PDE3A: variants seen among roughly 807,000 people sequenced by gnomAD.
The protein encoded by PDE3A is cGMP-inhibited 3',5'-cyclic phosphodiesterase 3A.
PDE3A carries 43 observed loss-of-function variants against 98.3 expected under a neutral mutation model. The ratio of observed to expected loss-of-function variants is 0.44; its 90% CI spans 0.34 to 0.56. The LOEUF (loss-of-function observed/expected upper bound fraction) is 0.56, where lower values mean the gene tolerates loss of function less well. PDE3A is among the 20% of genes least tolerant of loss of function. PDE3A has a pLI of 0.01. For synonymous variants in PDE3A, 663 were observed against 567.9 expected (o/e 1.17, Z -2.38); for missense variants, 1,427 against 1,440.7 (o/e 0.99, Z 0.15).
intron 2 of PDE3A, among the ~76,000 whole-genome samples, chr12:20,577,814 C>T (rs1942971045): frequency 6.6e-6 from 1 of 152,128 alleles, no homozygotes; most frequent in Non-Finnish European, 1.5e-5. Context: ...ATTTACCAAA[C>T]ACGGGACGGG....
At chr12:20,421,334 A>T (rs1944508220) in intron 1 of PDE3A, among the ~76,000 whole-genome samples, 1 of 152,132 alleles carries the variant, frequency 6.6e-6, no homozygotes, top group Non-Finnish European at 1.5e-5. Context: ...TACTAATAGG[A>T]GCTCTAACTG....
chr12:20,396,132 C>A (rs149104602), intron 1 of PDE3A, among the ~76,000 whole-genome samples: 1 of 152,080 alleles, frequency 6.6e-6, no homozygotes, highest in African/African-American at 2.4e-5. Context: ...ATTTAGAAAA[C>A]AAGTATTATA....
intron 1 of PDE3A, among the ~76,000 whole-genome samples, chr12:20,521,102 C>G (rs981603102): frequency 6.7e-6 from 1 of 149,720 alleles, no homozygotes. Flanking sequence ...CAAATATATT[C>G]CTGGCTAAAC....
chr12:20,620,305 A>C (rs981862763), intron 4 of PDE3A, among the ~76,000 whole-genome samples: 1 of 152,010 alleles, frequency 6.6e-6, no homozygotes, highest in Non-Finnish European at 1.5e-5. Context: ...CAAATTGTCA[A>C]ATCATATTTA....
chr12:20,429,597 T>C (rs1394728893), intron 1 of PDE3A, among the ~76,000 whole-genome samples: 1 of 152,180 alleles, frequency 6.6e-6, no homozygotes, highest in East Asian at 1.9e-4. Context: ...TGGTTCTAAG[T>C]AATAATAATA....
At chr12:20,484,096 T>C (rs1268289757) in intron 1 of PDE3A, among the ~76,000 whole-genome samples, 16 of 152,310 alleles carry the variant, frequency 1.1e-4, no homozygotes, top group Admixed American at 7.8e-4. Flanking sequence ...TCTCCTTGTG[T>C]ATATATTGGA....
At chr12:20,550,871 T>A (rs1942181032) in intron 1 of PDE3A, among the ~76,000 whole-genome samples, 1 of 151,982 alleles carries the variant, frequency 6.6e-6, no homozygotes, top group Non-Finnish European at 1.5e-5. Context: ...TACCGTAATC[T>A]ATTGAGTAAT....
intron 1 of PDE3A, among the ~76,000 whole-genome samples, chr12:20,372,605 T>C (rs1382443368): frequency 6.6e-6 from 1 of 152,162 alleles, no homozygotes; most frequent in African/African-American, 2.4e-5. Context: ...ATCTGTTTTA[T>C]CATAAGGAAA....
chr12:20,602,663 C>A (rs1277851358), intron 2 of PDE3A, among the ~76,000 whole-genome samples: 1 of 152,110 alleles, frequency 6.6e-6, no homozygotes, highest in Non-Finnish European at 1.5e-5. Flanking sequence ...TGATGAAGGG[C>A]CCTATAGGTT....
intron 2 of PDE3A, chr12:20,557,295 C>T (rs979229311): frequency 6.5e-6 from 1 of 152,762 alleles, no homozygotes; most frequent in African/African-American, 2.4e-5. Flanking sequence ...TTTTTAATGA[C>T]CTAATTAGAC....
At chr12:20,372,864 T>A (rs1014893428) in intron 1 of PDE3A, among the ~76,000 whole-genome samples, 1 of 152,158 alleles carries the variant, frequency 6.6e-6, no homozygotes, top group African/African-American at 2.4e-5. Flanking sequence ...ACTTTGCTCA[T>A]TGTGAGGCTT....
chr12:20,448,760 T>C (rs1945007014), intron 1 of PDE3A, among the ~76,000 whole-genome samples: 1 of 150,114 alleles, frequency 6.7e-6, no homozygotes, highest in African/African-American at 2.4e-5. Flanking sequence ...AGGTTTTTTT[T>C]TTTTTTTGAG....
At chr12:20,638,950 C>T (rs1315212364) in intron 9 of PDE3A, among the ~76,000 whole-genome samples, 2 of 151,948 alleles carry the variant, frequency 1.3e-5, no homozygotes, top group African/African-American at 4.8e-5. Context: ...AATATTCAAC[C>T]CAGGATTCCA....
At chr12:20,545,777 C>CAAAAAAAAAAA (rs5796868) in intron 1 of PDE3A, among the ~76,000 whole-genome samples, 1 of 141,140 alleles carries the variant, frequency 7.1e-6, no homozygotes, top group Non-Finnish European at 1.5e-5. Context: ...TAGTGGCTGC[C>CAAAAAAAAAAA]AAAAAAAAAA....
At chr12:20,510,626 A>G (rs1408036912) in intron 1 of PDE3A, among the ~76,000 whole-genome samples, 1 of 152,024 alleles carries the variant, frequency 6.6e-6, no homozygotes, top group Non-Finnish European at 1.5e-5. Flanking sequence ...TATATTGGAA[A>G]GGGCAAGAAA....
intron 1 of PDE3A, among the ~76,000 whole-genome samples, chr12:20,515,854 T>A (rs1190696598): frequency 6.7e-6 from 1 of 149,496 alleles, no homozygotes; most frequent in Non-Finnish European, 1.5e-5. Context: ...TGCCTCAGCC[T>A]CCCAAGTAGC....
Position 20,687,481 on chromosome 12 carries a change from T to C in PDE3A, c.*7210T>C, listed in dbSNP as rs139173250. Among the ~76,000 whole-genome samples, 1 of 134,792 alleles carries C rather than the reference T, an allele frequency of 7.4e-6. No homozygotes were observed. Among genetic ancestry groups the C allele is most frequent in the Admixed American group, 7.4e-5 (1 of 13,540 alleles). The allele number at this position is 134,792 out of a possible 152,430, so 88.4% of individuals were successfully genotyped here. A position where few individuals can be genotyped will look rare whatever the true frequency, so the allele number is the denominator to read the frequency against. ...AAAATATTTGCATGGGAATTTTAGC[T>C]TATTATGTTTGCTTAACTGGTGTTT... is the stretch of plus-strand genomic sequence containing the variant. On this transcript the variant is annotated 3_prime_UTR_variant, in exon 16 of 16. Transcript: ENST00000359062.
At chr12:20,410,433 C>T (rs562371471) in intron 1 of PDE3A, among the ~76,000 whole-genome samples, 2 of 152,256 alleles carry the variant, frequency 1.3e-5, no homozygotes, top group East Asian at 3.9e-4. Flanking sequence ...GTTCTTTCTG[C>T]TAGTGTGGGG....
intron 1 of PDE3A, among the ~76,000 whole-genome samples, chr12:20,555,530 C>T (rs1487880444): frequency 9.2e-5 from 14 of 152,146 alleles, no homozygotes; most frequent in Admixed American, 9.2e-4. Context: ...TCATATTCTG[C>T]GTTGTATCGC....
Sources: gnomAD v4.1 joint callset for allele counts (sites outside exome capture counted in the v4.1 genomes callset) on GRCh38, gnomAD v4.1.1 for gene constraint, MANE v1.5 for transcripts, NCBI Gene and HGNC (gene_info 2026-07-23, HGNC 2026-07-21) for gene names.